Variants in SLC24A2 observed in about 807,000 individuals in gnomAD.
The protein encoded by SLC24A2 is solute carrier family 24 member 2.
A neutral mutation model predicts 62.0 loss-of-function variants in SLC24A2; 36 were observed. That is an observed-to-expected ratio of 0.58 (90% CI 0.44 to 0.77). The LOEUF is 0.77. Ranked by LOEUF, SLC24A2 falls within the 30% of genes least tolerant of loss-of-function variation. The pLI, the probability that SLC24A2 is intolerant of heterozygous loss-of-function variation, is 0.00. For synonymous variants in SLC24A2, 358 were observed against 294.0 expected (o/e 1.22, Z -2.23); for missense variants, 846 against 817.9 (o/e 1.03, Z -0.42).
At chr9:19,788,660 C>A (rs906441545) in intron 1 of SLC24A2, 2 of 985,050 alleles carry the variant, frequency 2.0e-6, no homozygotes, top group South Asian at 4.7e-5. Context: ...CTGCCCCACG[C>A]CCCCCATCCC....
chr9:20,196,260 G>A, the SLC24A2 span, among the ~76,000 whole-genome samples: 1 of 152,168 alleles, frequency 6.6e-6, no homozygotes, highest in Admixed American at 6.5e-5. Flanking sequence ...CTGCCTAGCT[G>A]TGAAAAGAAA....
At chr9:20,083,217 A>G in the SLC24A2 span, among the ~76,000 whole-genome samples, 1 of 152,248 alleles carries the variant, frequency 6.6e-6, no homozygotes, top group Non-Finnish European at 1.5e-5. Flanking sequence ...TGCATTGCCA[A>G]TACCTTTCAT....
At chr9:20,224,777 G>A in the SLC24A2 span, among the ~76,000 whole-genome samples, 24 of 152,142 alleles carry the variant, frequency 1.6e-4, no homozygotes, top group African/African-American at 5.5e-4. Context: ...TGCTGTTGGG[G>A]CCCTGCCCAG....
At chr9:20,073,916 G>GCA in the SLC24A2 span, among the ~76,000 whole-genome samples, 1 of 98,190 alleles carries the variant, frequency 1.0e-5, no homozygotes, top group Non-Finnish European at 2.1e-5. Flanking sequence ...ATCCTTGTGG[G>GCA]GAGATATATA....
chr9:19,579,703 C>G (rs1167373111), intron 5 of SLC24A2, among the ~76,000 whole-genome samples: 1 of 152,144 alleles, frequency 6.6e-6, no homozygotes, highest in African/African-American at 2.4e-5. Flanking sequence ...AATAACTCAA[C>G]TCAAATAATG....
At chr9:20,091,105 G>C in the SLC24A2 span, among the ~76,000 whole-genome samples, 1 of 150,420 alleles carries the variant, frequency 6.6e-6, no homozygotes, top group East Asian at 2.0e-4. Context: ...GAAACAATCT[G>C]AGAAATTGAA....
the SLC24A2 span, among the ~76,000 whole-genome samples, chr9:20,278,223 T>A: frequency 1.3e-5 from 2 of 152,108 alleles, no homozygotes; most frequent in South Asian, 2.1e-4. Context: ...ACCCTAGAAC[T>A]TAAAGTATAA....
At chr9:19,635,822 C>G (rs1358241483) in intron 2 of SLC24A2, among the ~76,000 whole-genome samples, 4 of 152,184 alleles carry the variant, frequency 2.6e-5, no homozygotes, top group Non-Finnish European at 5.9e-5. Context: ...GCCACGACAT[C>G]TTTGCCTTTA....
At chr9:20,152,257 C>A in the SLC24A2 span, among the ~76,000 whole-genome samples, 1 of 151,878 alleles carries the variant, frequency 6.6e-6, no homozygotes, top group Non-Finnish European at 1.5e-5. Context: ...ATCCAAGAAG[C>A]ACATGAGCTT....
the SLC24A2 span, among the ~76,000 whole-genome samples, chr9:20,110,055 A>G: frequency 6.6e-6 from 1 of 152,146 alleles, no homozygotes; most frequent in Non-Finnish European, 1.5e-5. Flanking sequence ...TTCTATTTCA[A>G]CGTCAAGTAA....
At chr9:20,198,573 G>A in the SLC24A2 span, among the ~76,000 whole-genome samples, 1 of 152,158 alleles carries the variant, frequency 6.6e-6, no homozygotes, top group Non-Finnish European at 1.5e-5. Context: ...GGCGGACAAA[G>A]GAGGAATTAT....
At chr9:20,196,748 T>A in the SLC24A2 span, among the ~76,000 whole-genome samples, 4 of 152,210 alleles carry the variant, frequency 2.6e-5, no homozygotes, top group Non-Finnish European at 4.4e-5. Flanking sequence ...TTTATTTTCC[T>A]AATTATAAAA....
At chr9:19,921,982 C>T in the SLC24A2 span, among the ~76,000 whole-genome samples, 1 of 152,210 alleles carries the variant, frequency 6.6e-6, no homozygotes, top group South Asian at 2.1e-4. Context: ...ACGCTCCTTC[C>T]CAAGAATCCT....
chr9:20,078,073 C>G, the SLC24A2 span, among the ~76,000 whole-genome samples: 3 of 150,298 alleles, frequency 2.0e-5, no homozygotes, highest in Admixed American at 2.0e-4. Context: ...CTTTCTGGTA[C>G]TGGTTTACAC....
chr9:19,729,568 A>C (rs1230298780), intron 2 of SLC24A2, among the ~76,000 whole-genome samples: 1 of 152,222 alleles, frequency 6.6e-6, no homozygotes, highest in Non-Finnish European at 1.5e-5. Context: ...CATCCACAGC[A>C]ATGTGGATGG....
intron 2 of SLC24A2, among the ~76,000 whole-genome samples, chr9:19,647,070 A>G (rs554054347): frequency 0.012 from 1,120 of 93,316 alleles, 6 homozygotes; most frequent in Non-Finnish European, 0.02. Context: ...ACACGCGCGC[A>G]CACACACACA....
chr9:19,899,851 G>A, the SLC24A2 span, among the ~76,000 whole-genome samples: 2 of 152,144 alleles, frequency 1.3e-5, no homozygotes, highest in South Asian at 2.1e-4. Context: ...ATTATCACAG[G>A]AAGAGCATTA....
At chr9:19,787,655 T>G (rs1451870597) in intron 1 of SLC24A2, among the ~76,000 whole-genome samples, 1 of 152,018 alleles carries the variant, frequency 6.6e-6, no homozygotes, top group Non-Finnish European at 1.5e-5. Context: ...AAATTTAAGT[T>G]TACAAAAAAA....
chr9:20,223,920 C>A, the SLC24A2 span, among the ~76,000 whole-genome samples: 1 of 151,890 alleles, frequency 6.6e-6, no homozygotes, highest in African/African-American at 2.4e-5. Flanking sequence ...AGGAAACTTA[C>A]AATCATGGTG....
Sources: allele counts gnomAD v4.1 joint callset (sites outside exome capture counted in the v4.1 genomes callset), GRCh38; gene constraint gnomAD v4.1.1; transcripts MANE v1.5; gene names NCBI Gene and HGNC (gene_info 2026-07-23, HGNC 2026-07-21).